The following AOAH variants were observed in gnomAD, a reference collection of about 807,000 sequenced individuals.
AOAH encodes acyloxyacyl hydrolase (neutrophil).
In AOAH, 64 loss-of-function variants were observed where a neutral mutation model predicts 92.2. The ratio of observed to expected loss-of-function variants is 0.69; its 90% CI spans 0.57 to 0.86. AOAH has a LOEUF of 0.86. Among genes scored for constraint, AOAH ranks in the 40% least tolerant of loss-of-function variants. The pLI is 0.00. For missense variants in AOAH, 656 were observed against 694.6 expected (o/e 0.94, Z 0.62); for synonymous variants, 263 against 254.5 (o/e 1.03, Z -0.32).
chr7:36,639,095 A>C (rs1793720135), intron 4 of AOAH, among the ~76,000 whole-genome samples: 1 of 152,218 alleles, frequency 6.6e-6, no homozygotes, highest in African/African-American at 2.4e-5. Flanking sequence ...AGCTGATCCC[A>C]ATCTTCACTT....
chr7:36,722,413 G>A (rs1005936779), intron 1 of AOAH, among the ~76,000 whole-genome samples: 1 of 152,158 alleles, frequency 6.6e-6, no homozygotes, highest in Non-Finnish European at 1.5e-5. Flanking sequence ...CATTTAGTTT[G>A]CAATGAGCCC....
intron 13 of AOAH, among the ~76,000 whole-genome samples, chr7:36,553,421 A>G (rs6957749): frequency 0.14 from 21,197 of 150,976 alleles, 1,590 homozygotes; most frequent in African/African-American, 0.19. Flanking sequence ...AGTCTTTGCT[A>G]TTGTGAATAG....
At chr7:36,554,697 C>T (rs1307045263) in intron 13 of AOAH, among the ~76,000 whole-genome samples, 1 of 151,164 alleles carries the variant, frequency 6.6e-6, no homozygotes, top group Non-Finnish European at 1.5e-5. Flanking sequence ...AGAGGTCCTT[C>T]ACGTCCCTTG....
At chr7:36,539,893 G>T (rs1785306244) in intron 16 of AOAH, among the ~76,000 whole-genome samples, 1 of 152,200 alleles carries the variant, frequency 6.6e-6, no homozygotes. Context: ...GAGTGTAGAA[G>T]CAGGAAATGA....
At chr7:36,526,061 T>C (rs1784382229) in intron 19 of AOAH, among the ~76,000 whole-genome samples, 1 of 152,194 alleles carries the variant, frequency 6.6e-6, no homozygotes, top group African/African-American at 2.4e-5. Context: ...CTAAATAATG[T>C]CGATGATAAC....
chr7:36,708,086 C>T (rs1798540138), intron 1 of AOAH, among the ~76,000 whole-genome samples: 1 of 151,940 alleles, frequency 6.6e-6, no homozygotes, highest in Non-Finnish European at 1.5e-5. Context: ...AGCCACTGCA[C>T]CTGGCCTTTT....
At chr7:36,720,817 C>T (rs1799580000) in intron 1 of AOAH, among the ~76,000 whole-genome samples, 1 of 152,238 alleles carries the variant, frequency 6.6e-6, no homozygotes, top group African/African-American at 2.4e-5. Context: ...TATTCAGTGG[C>T]CATGTGAGAA....
At chr7:36,674,993 G>A (rs1244640178) in intron 2 of AOAH, among the ~76,000 whole-genome samples, 1 of 152,230 alleles carries the variant, frequency 6.6e-6, no homozygotes, top group Non-Finnish European at 1.5e-5. Context: ...AGCGGCTCAC[G>A]CCTGTAATCC....
chr7:36,654,377 T>C (rs928064442), intron 4 of AOAH, among the ~76,000 whole-genome samples: 2 of 152,182 alleles, frequency 1.3e-5, no homozygotes, highest in Non-Finnish European at 2.9e-5. Flanking sequence ...TAATTAGTTA[T>C]GGATGAAGTT....
chr7:36,677,582 T>C (rs1278451869), intron 2 of AOAH, among the ~76,000 whole-genome samples: 5 of 152,178 alleles, frequency 3.3e-5, no homozygotes, highest in South Asian at 4.1e-4. Context: ...TGATCCAGTT[T>C]ATATATGATC....
intron 3 of AOAH, among the ~76,000 whole-genome samples, chr7:36,672,669 T>C (rs1283935881): frequency 3.3e-5 from 5 of 151,966 alleles, no homozygotes; most frequent in East Asian, 1.9e-4. Context: ...ACCTAATGAA[T>C]GTGGGGCTTA....
chr7:36,544,485 A>C (rs947312609), intron 15 of AOAH, among the ~76,000 whole-genome samples: 1 of 152,116 alleles, frequency 6.6e-6, no homozygotes, highest in Admixed American at 6.6e-5. Context: ...CCAGGGTCCC[A>C]GCACCCCTTC....
In AOAH at chr7:36,686,781, CA is replaced by C. The variant is rs1797042683; in HGVS notation, c.140del (p.Val47GlyfsTer4). 2 of 1,559,336 alleles carry C rather than the reference CA, an allele frequency of 1.3e-6. No homozygotes were observed. The highest frequency in any genetic ancestry group is 1.7e-6 in the Non-Finnish European group (2 of 1,151,914). On this transcript the variant is annotated frameshift_variant, in exon 2 of 21. Coordinates refer to ENST00000617537, the MANE Select transcript of AOAH (RefSeq NM_001637.4). LOFTEE classifies it high-confidence loss of function. ...NGHTCVGCVL[V>X]VSVIEQLAQV... ...GAGCAAGCTGTTCTATTACAGACAC[CA>C]CCAGCACACACCCTGCCAGGGAGGA...
At chr7:36,633,381 T>C (rs1180217895) in intron 5 of AOAH, among the ~76,000 whole-genome samples, 3 of 152,134 alleles carry the variant, frequency 2.0e-5, no homozygotes, top group African/African-American at 7.2e-5. Context: ...ATGAGGAGTA[T>C]TGATGCCACC....
chr7:36,577,684 TTTAA>T (rs1451452668), intron 12 of AOAH, among the ~76,000 whole-genome samples: 3 of 152,188 alleles, frequency 2.0e-5, no homozygotes, highest in African/African-American at 4.8e-5. Context: ...ATGTAAGTAG[TTTAA>T]TTAATGCAAC....
chr7:36,678,613 G>GCGCA (rs1796454304), intron 2 of AOAH, among the ~76,000 whole-genome samples: 1 of 140,714 alleles, frequency 7.1e-6, no homozygotes, highest in Non-Finnish European at 1.5e-5. Flanking sequence ...GCGCGCGCGC[G>GCGCA]CGTTAGAATT....
At chr7:36,649,370 T>C (rs1794430296) in intron 4 of AOAH, among the ~76,000 whole-genome samples, 1 of 152,078 alleles carries the variant, frequency 6.6e-6, no homozygotes, top group Admixed American at 6.5e-5. Flanking sequence ...TGCACCTTTG[T>C]AATTAGTCAG....
At chr7:36,561,040 CTTTT>C (rs72472573) in intron 13 of AOAH, among the ~76,000 whole-genome samples, 23 of 121,770 alleles carry the variant, frequency 1.9e-4, no homozygotes, top group Middle Eastern at 4.4e-3. Flanking sequence ...GCACTGGGAA[CTTTT>C]TTTTTTTTTT....
intron 1 of AOAH, among the ~76,000 whole-genome samples, chr7:36,705,005 G>T (rs1798299456): frequency 6.6e-6 from 1 of 152,062 alleles, no homozygotes; most frequent in South Asian, 2.1e-4. Flanking sequence ...AAAATAATAA[G>T]AGCTATTTAT....
Sources: allele counts gnomAD v4.1 joint callset (sites outside exome capture counted in the v4.1 genomes callset), GRCh38; gene constraint gnomAD v4.1.1; transcripts MANE v1.5; gene names NCBI Gene and HGNC (gene_info 2026-07-23, HGNC 2026-07-21).